FBXL16: variants seen among roughly 807,000 people sequenced by gnomAD.
FBXL16 encodes the protein F-box/LRR-repeat protein 16.
FBXL16 carries 7 observed loss-of-function variants against 36.7 expected under a neutral mutation model. The observed-to-expected ratio is 0.19, with a 90% confidence interval of 0.11 to 0.36. The LOEUF (loss-of-function observed/expected upper bound fraction) is 0.36, where lower values mean the gene tolerates loss of function less well. FBXL16 is among the 10% of genes least tolerant of loss of function. FBXL16 has a pLI of 1.00. For synonymous variants in FBXL16, 355 were observed against 308.7 expected (o/e 1.15, Z -1.57); for missense variants, 463 against 659.4 (o/e 0.70, Z 3.26).
chr16:694,485 G>A, intron 5 of FBXL16, 62 bp from the exon 6 acceptor site: 1 of 1,496,556 alleles, frequency 6.7e-7, no homozygotes, highest in Non-Finnish European at 8.9e-7. Context: ...GGGACGGCCG[G>A]GCCGCGCCTC....
At position 692,532 on chromosome 16, in the gene FBXL16, T is replaced by A. The variant is rs185682837; in HGVS notation, c.*1743A>T. 3.9e-5 allele frequency: 6 copies of A among 152,534 alleles called. No individual in the cohort carries two copies. The East Asian group carries it at 1.2e-3, about 29-fold the overall frequency. 9.4% of individuals were successfully genotyped at this position (152,534 alleles called of 1,614,324 possible). A position where few individuals can be genotyped will look rare whatever the true frequency, so the allele number is the denominator to read the frequency against. On this transcript the variant is annotated 3_prime_UTR_variant, in exon 6 of 6. Transcript: ENST00000397621. ...ACAACTTTTTTAATATATATTTTTATAAACAGGTCACGTGATAAAATAGCA... is the reference window on the plus strand; with the variant it reads ...ACAACTTTTTTAATATATATTTTTAAAAACAGGTCACGTGATAAAATAGCA...
At position 697,860 on chromosome 16, in the gene FBXL16, C is replaced by G. The variant is rs1245285240; in HGVS notation, c.-14-441G>C. 6.6e-6 allele frequency among the ~76,000 whole-genome samples: 1 copy of G among 151,974 alleles called. No homozygotes were observed. The highest frequency in any genetic ancestry group is 1.9e-4 in the East Asian group (1 of 5,150). On this transcript the variant is annotated intron_variant, in intron 1 of 5. Coordinates refer to ENST00000397621, the MANE Select transcript of FBXL16 (RefSeq NM_153350.4). The surrounding 1 kb of genome is among the most constrained non-coding windows in gnomAD (Gnocchi z 4.6). ...CTAAAAATACAAAAAATTAGCTGGGCATGGTGGCAGGCGCCTGTAGTACCA... is the reference window on the plus strand; with the variant it reads ...CTAAAAATACAAAAAATTAGCTGGGGATGGTGGCAGGCGCCTGTAGTACCA...
rs2040015275 is a variant in FBXL16, at chr16:696,796, T to C, written c.610A>G (p.Thr204Ala). The C allele has an allele frequency of 9.0e-7, 1 of 1,113,492 alleles. No individual in the cohort carries two copies. Among genetic ancestry groups the C allele is most frequent in the Admixed American group, 4.0e-5 (1 of 24,854 alleles). The allele number at this position is 1,113,492 out of a possible 1,614,324, so 69.0% of individuals were successfully genotyped here. ...ACCTCGAGGCCTGCGTCCGTGATGG[T>C]GGAGCGCTTGAGGCTCATGGCTTTG... Reference protein sequence around the residue: ...GVKAMSLKRSTITDAGLEVML... With the variant: ...GVKAMSLKRSAITDAGLEVML... The change falls in exon 2 of 6, where the codon ACC (threonine) becomes GCC (alanine). Residue 204 changes from threonine (T) to alanine (A), a missense_variant. Physicochemically the swap from Thr to Ala is moderately conservative, Grantham distance 58 (BLOSUM62 0). This residue lies in a region of FBXL16 where 263 missense variants were observed against 341.1 expected (regional missense o/e 0.77). Transcript: ENST00000397621.
At position 697,872 on chromosome 16, in the gene FBXL16, C is replaced by T. The variant is rs377203303; in HGVS notation, c.-14-453G>A. Among the ~76,000 whole-genome samples, 35 of 152,006 alleles carry T rather than the reference C, an allele frequency of 2.3e-4. No homozygotes were observed. In the East Asian group the frequency reaches 3.1e-3, roughly 14 times the overall value. ...AAAATTAGCTGGGCATGGTGGCAGG[C>T]GCCTGTAGTACCAGCTACTTGGGAG... On this transcript the variant is annotated intron_variant, in intron 1 of 5. Transcript: ENST00000397621. The surrounding 1 kb of genome is among the most constrained non-coding windows in gnomAD (Gnocchi z 4.6).
chr16:700,995 A>G (rs1221751784), intron 1 of FBXL16, among the ~76,000 whole-genome samples: 2 of 152,138 alleles, frequency 1.3e-5, no homozygotes, highest in African/African-American at 4.8e-5. Flanking sequence ...GGGGAGGAAT[A>G]ATCCCGGCGC....
intron 1 of FBXL16, among the ~76,000 whole-genome samples, chr16:703,882 G>C (rs1011683111): frequency 1.3e-5 from 2 of 152,250 alleles, no homozygotes; most frequent in Admixed American, 6.5e-5. Context: ...AAGAGCATGA[G>C]CACCCTCAGA....
intron 1 of FBXL16, among the ~76,000 whole-genome samples, chr16:699,416 G>A (rs1360329468): frequency 3.3e-5 from 5 of 152,176 alleles, no homozygotes; most frequent in South Asian, 2.1e-4. Flanking sequence ...CCCGACATCC[G>A]GGGAGGAGGT....
Position 696,887 on chromosome 16 carries a change from C to T in FBXL16, c.519G>A (p.Leu173=). The change falls in exon 2 of 6, where the codon CTG becomes CTA. Residue 173 remains leucine (L), a synonymous_variant. Transcript: ENST00000397621. ...AGATGTCCAGGTCGGAGACGCCAAC[C>T]AGGCAGAAGCCCTCGAAGCCTCTGG... The part of the protein sequence containing the change: ...FAARGFEGFC[L]VGVSDLDICE... 6.2e-7 allele frequency: 1 copy of T among 1,610,082 alleles called. No individual in the cohort carries two copies. The highest frequency in any genetic ancestry group is 8.5e-7 in the Non-Finnish European group (1 of 1,179,022).
At position 697,170 on chromosome 16, in the gene FBXL16, C is replaced by A; in HGVS notation, c.236G>T (p.Gly79Val). The A allele has an allele frequency of 6.4e-7, 1 of 1,571,992 alleles. No individual in the cohort carries two copies. Among genetic ancestry groups the A allele is most frequent in the Admixed American group, 1.8e-5 (1 of 57,060 alleles). The stretch of plus-strand genomic sequence containing the variant: ...CCCAGGTGCCAAGGCTGAGGCTGGT[C>A]CACCTGCCGGGGTGCACGGGCCCCC... The part of the protein sequence containing the change: ...LAGGPCTPAG[G>V]PASALAPGHP... The change falls in exon 2 of 6, where the codon GGA becomes GTA. Residue 79 changes from glycine to valine, a missense_variant. Physicochemically the swap from Gly to Val is moderately radical, Grantham distance 109 (BLOSUM62 -3). Coordinates refer to ENST00000397621, the MANE Select transcript of FBXL16 (RefSeq NM_153350.4). This position sits in a 1 kb window ranked among gnomAD's most constrained non-coding sequence, Gnocchi z 4.6.
intron 1 of FBXL16, among the ~76,000 whole-genome samples, chr16:703,324 C>T (rs372859687): frequency 7.9e-5 from 12 of 152,198 alleles, no homozygotes; most frequent in African/African-American, 1.7e-4. Context: ...CACCCCTCAG[C>T]GCCCCCAGTT....
At chr16:701,543 C>T (rs112139655) in intron 1 of FBXL16, among the ~76,000 whole-genome samples, 3 of 152,362 alleles carry the variant, frequency 2.0e-5, no homozygotes, top group East Asian at 1.9e-4. Context: ...GGTCTCTCTG[C>T]CCGTTCAGCG....
intron 1 of FBXL16, among the ~76,000 whole-genome samples, chr16:702,533 T>G (rs73489305): frequency 8.4e-4 from 128 of 152,306 alleles, no homozygotes; most frequent in Middle Eastern, 3.4e-3. Flanking sequence ...AGGGAACGAA[T>G]GAATGAATGC....
intron 2 of FBXL16, among the ~76,000 whole-genome samples, chr16:696,212 C>G (rs1374965469): frequency 6.6e-6 from 1 of 150,826 alleles, no homozygotes; most frequent in Non-Finnish European, 1.5e-5. Context: ...CGCATCCTCC[C>G]CACACTGCAT....
chr16:695,434 C>G lies in FBXL16; in HGVS notation c.1123G>C (p.Glu375Gln), dbSNP rs762916671. 2.0e-5 allele frequency: 31 copies of G among 1,543,294 alleles called. No individual in the cohort carries two copies. Among genetic ancestry groups the G allele is most frequent in the Non-Finnish European group, 2.6e-5 (30 of 1,150,956 alleles). Reference sequence around the variant, plus strand: ...GCGCACCTGTCGAGCACGAGCTCCTCTAGGCGGTGCAGGTCGCAGGCCACG... The same window carrying G: ...GCGCACCTGTCGAGCACGAGCTCCTGTAGGCGGTGCAGGTCGCAGGCCACG... The part of the protein sequence containing the change: ...EYVACDLHRL[E>Q]ELVLDRCVRI... Residue 375 changes from glutamate to glutamine, a missense_variant, in exon 3 of 6, where the codon GAG (glutamate) becomes CAG (glutamine). Coordinates refer to ENST00000397621, the MANE Select transcript of FBXL16 (RefSeq NM_153350.4).
At chr16:705,254 A>G (rs1226869381) in intron 1 of FBXL16, among the ~76,000 whole-genome samples, 1 of 152,050 alleles carries the variant, frequency 6.6e-6, no homozygotes, top group African/African-American at 2.4e-5. Flanking sequence ...ACGGACCCCC[A>G]GCCCCGGCCG....
chr16:701,691 C>T (rs1436309810), intron 1 of FBXL16, among the ~76,000 whole-genome samples: 1 of 152,190 alleles, frequency 6.6e-6, no homozygotes, highest in Non-Finnish European at 1.5e-5. Flanking sequence ...CTGTGAGAGC[C>T]CTCGTTCCAC....
chr16:694,898 C>A, intron 4 of FBXL16, 94 bp downstream of exon 4: 1 of 1,376,212 alleles, frequency 7.3e-7, no homozygotes, highest in South Asian at 1.5e-5. Flanking sequence ...GGGAGGGGCC[C>A]CAGACTCTCC....
chr16:705,040 C>T (rs982876868), intron 1 of FBXL16, among the ~76,000 whole-genome samples: 1 of 152,200 alleles, frequency 6.6e-6, no homozygotes, highest in Non-Finnish European at 1.5e-5. Flanking sequence ...CCTCCTCCCG[C>T]GGGCAGTAGC....
chr16:700,107 C>T (rs7205124), intron 1 of FBXL16, among the ~76,000 whole-genome samples: 57,925 of 152,106 alleles, frequency 0.38, 13,439 homozygotes, highest in East Asian at 0.72. Context: ...GGTCCCCACA[C>T]TGGCTTCCAA....
Sources: gnomAD v4.1 joint callset for allele counts (sites outside exome capture counted in the v4.1 genomes callset) on GRCh38, gnomAD v4.1.1 for gene constraint, gnomAD v4.1.1 regional missense constraint, Gnocchi (gnomAD v3.1) non-coding constraint, MANE v1.5 for transcripts, NCBI Gene and HGNC (gene_info 2026-07-23, HGNC 2026-07-21) for gene names.